Variants in DGUOK observed in about 807,000 individuals in gnomAD.
DGUOK encodes deoxyguanosine kinase, also known as deoxyguanosine kinase, mitochondrial.
In DGUOK, 30 loss-of-function variants were observed where a neutral mutation model predicts 36.6. The observed-to-expected ratio is 0.82, with a 90% CI of 0.61 to 1.11. DGUOK has a LOEUF of 1.11. DGUOK is among the 50% of genes most tolerant of loss of function. The probability of loss-of-function intolerance (pLI) is 0.00; values close to 1 mark genes in which losing one functional copy is unlikely to be tolerated. For missense variants in DGUOK, 361 were observed against 336.4 expected, an observed-to-expected ratio of 1.07 and a Z score of -0.57; for synonymous variants, 145 against 126.3, an observed-to-expected ratio of 1.15 and a Z score of -0.99.
At chr2:73,950,849 C>A in intron 4 of DGUOK, 117 bp downstream of exon 4, 1 of 1,384,080 alleles carries the variant, frequency 7.2e-7, no homozygotes, top group Non-Finnish European at 1.0e-6. Flanking sequence ...ACCTGCAGCA[C>A]AGAGAGCAGT....
intron 5 of DGUOK, 77 bp downstream of exon 5, chr2:73,957,317 T>C (rs1558669377): frequency 1.1e-5 from 11 of 1,027,800 alleles, no homozygotes; most frequent in African/African-American, 1.6e-5. Flanking sequence ...AAGTTCAGCA[T>C]GCAGCCCCCT....
chr2:73,958,103 C>T (rs1683259748), intron 5 of DGUOK, 43 bp from the exon 6 acceptor site: 1 of 1,508,904 alleles, frequency 6.6e-7, no homozygotes, highest in African/African-American at 1.4e-5. Flanking sequence ...ACTCAAGTTA[C>T]ATTTCTTTTT....
chr2:73,956,098 A>G (rs1386460547), intron 4 of DGUOK, among the ~76,000 whole-genome samples: 2 of 152,208 alleles, frequency 1.3e-5, no homozygotes, highest in Non-Finnish European at 2.9e-5. Flanking sequence ...GAGCTAAGGC[A>G]GTTGAGAAGT....
At chr2:73,943,384 A>G (rs1682047692) in intron 2 of DGUOK, among the ~76,000 whole-genome samples, 1 of 149,830 alleles carries the variant, frequency 6.7e-6, no homozygotes, top group African/African-American at 2.5e-5. Context: ...CTGGTCTCGA[A>G]CTCCTGGGCT....
chr2:73,927,974 A>G (rs1252299493), intron 1 of DGUOK, among the ~76,000 whole-genome samples: 1 of 152,214 alleles, frequency 6.6e-6, no homozygotes, highest in Non-Finnish European at 1.5e-5. Flanking sequence ...TGGAGAATAC[A>G]GCTGTGAATA....
intron 2 of DGUOK, among the ~76,000 whole-genome samples, chr2:73,942,416 T>C (rs986123027): frequency 1.3e-5 from 2 of 152,178 alleles, no homozygotes; most frequent in African/African-American, 4.8e-5. Context: ...TATAAGACTT[T>C]AGTTTTTTCA....
At position 73,958,891 on chromosome 2, in the gene DGUOK, T is replaced by C. The variant is rs914996096; in HGVS notation, c.*155T>C. 10 of 672,990 alleles carry C rather than the reference T, an allele frequency of 1.5e-5. No individual in the cohort carries two copies. The East Asian group carries it at 2.4e-4, about 16-fold the overall frequency. 41.7% of individuals were successfully genotyped at this position (672,990 alleles called of 1,614,324 possible). ...TGGTTTGTTAATTATTGTTAGACTTTGCCATTGTTTTCTTTTGTACCTGAA... is the reference window on the plus strand; with the variant it reads ...TGGTTTGTTAATTATTGTTAGACTTCGCCATTGTTTTCTTTTGTACCTGAA... On this transcript the variant is annotated 3_prime_UTR_variant, in exon 7 of 7. Transcript: ENST00000264093.
intron 4 of DGUOK, among the ~76,000 whole-genome samples, chr2:73,952,990 A>G (rs1272527384): frequency 6.6e-6 from 1 of 152,076 alleles, no homozygotes; most frequent in East Asian, 1.9e-4. Flanking sequence ...TCATCATATG[A>G]TGAGGTGGAA....
In DGUOK at chr2:73,958,842, T is replaced by C; in HGVS notation, c.*106T>C. 1.1e-6 allele frequency: 1 copy of C among 932,674 alleles called. No homozygotes were observed. Among genetic ancestry groups the C allele is most frequent in the Non-Finnish European group, 1.8e-6 (1 of 563,224 alleles). The allele number at this position is 932,674 out of a possible 1,614,324, so 57.8% of individuals were successfully genotyped here. On this transcript the variant is annotated 3_prime_UTR_variant, in exon 7 of 7. Transcript: ENST00000264093. ...TTCCATCCCCAGCCCCTCTCATCCC[T>C]GGAGCACTCTGCCGCTCAAGAGCTG...
At chr2:73,938,866 C>T (rs924108720) in intron 1 of DGUOK, 44 bp from the exon 2 acceptor site, 1 of 1,332,336 alleles carries the variant, frequency 7.5e-7, no homozygotes, top group South Asian at 1.2e-5. Context: ...TCTCCTTCAG[C>T]CCTGATTTGG....
intron 1 of DGUOK, among the ~76,000 whole-genome samples, chr2:73,929,898 G>A (rs1680882826): frequency 6.6e-6 from 1 of 152,134 alleles, no homozygotes; most frequent in Non-Finnish European, 1.5e-5. Flanking sequence ...AATTAGAAGA[G>A]GGTGTGAGTG....
At chr2:73,938,043 A>G (rs535574474) in intron 1 of DGUOK, among the ~76,000 whole-genome samples, 13 of 152,256 alleles carry the variant, frequency 8.5e-5, no homozygotes, top group Admixed American at 2.6e-4. Context: ...TTCTTACCAT[A>G]ACTACAAAGC....
At chr2:73,929,864 G>A (rs953353879) in intron 1 of DGUOK, among the ~76,000 whole-genome samples, 5 of 152,292 alleles carry the variant, frequency 3.3e-5, no homozygotes, top group Non-Finnish European at 7.4e-5. Flanking sequence ...TTTTTAGAAA[G>A]GGAAGTCATG....
intron 3 of DGUOK, among the ~76,000 whole-genome samples, chr2:73,948,222 T>A (rs926164772): frequency 6.6e-6 from 1 of 152,188 alleles, no homozygotes; most frequent in African/African-American, 2.4e-5. Context: ...TATAACCACA[T>A]GGGTTGTTTG....
chr2:73,956,076 A>C (rs1216596900), intron 4 of DGUOK, among the ~76,000 whole-genome samples: 1 of 152,202 alleles, frequency 6.6e-6, no homozygotes, highest in African/African-American at 2.4e-5. Flanking sequence ...TAAAGCAGTG[A>C]GTCCAGGGGA....
At chr2:73,938,615 T>A (rs922209949) in intron 1 of DGUOK, among the ~76,000 whole-genome samples, 1 of 152,256 alleles carries the variant, frequency 6.6e-6, no homozygotes, top group South Asian at 2.1e-4. Flanking sequence ...TTTCATCTAC[T>A]TTTACATTTT....
At chr2:73,938,845 A>G in intron 1 of DGUOK, 65 bp from the exon 2 acceptor site, 1 of 1,099,092 alleles carries the variant, frequency 9.1e-7, no homozygotes, top group South Asian at 1.2e-5. Context: ...GGCAGAGTTT[A>G]GTAGCAGCCT....
rs954458839 is a variant in DGUOK at position 73,946,778 on chromosome 2, A to G, written c.315A>G (p.Arg105=). The change falls in exon 3 of 7, where the codon CGA becomes CGG. Residue 105 remains arginine (R), a synonymous_variant. Transcript: ENST00000264093. ...ATATGATGTACCGGGAGCCAGCACGATGGTCCTACACATTCCAGACATTTT... is the reference window on the plus strand; with the variant it reads ...ATATGATGTACCGGGAGCCAGCACGGTGGTCCTACACATTCCAGACATTTT... ...LLDMMYREPA[R]WSYTFQTFSF... The G allele has an allele frequency of 1.2e-6, 2 of 1,614,128 alleles. No homozygotes were observed. The highest frequency in any genetic ancestry group is 1.7e-6 in the Non-Finnish European group (2 of 1,180,020).
chr2:73,934,273 A>C (rs933917218), intron 1 of DGUOK, among the ~76,000 whole-genome samples: 1 of 152,222 alleles, frequency 6.6e-6, no homozygotes, highest in African/African-American at 2.4e-5. Flanking sequence ...AGCTTGTGGA[A>C]TGAGAATAGT....
Sources: allele counts gnomAD v4.1 joint callset (sites outside exome capture counted in the v4.1 genomes callset), GRCh38; gene constraint gnomAD v4.1.1; transcripts MANE v1.5; gene names NCBI Gene and HGNC (gene_info 2026-07-23, HGNC 2026-07-21).